Variants in INSYN2B observed in about 807,000 individuals in gnomAD.
INSYN2B encodes the protein protein INSYN2B.
INSYN2B carries 16 observed loss-of-function variants against 41.2 expected under a neutral mutation model. The ratio of observed to expected loss-of-function variants is 0.39; its 90% confidence interval spans 0.26 to 0.59. The LOEUF (loss-of-function observed/expected upper bound fraction) is 0.59. Among genes scored for constraint, INSYN2B ranks in the 20% least tolerant of loss-of-function variants. INSYN2B has a pLI of 0.57. For missense variants in INSYN2B, 608 were observed against 646.4 expected (o/e 0.94, Z 0.64); for synonymous variants, 245 against 244.4 (o/e 1.00, Z -0.02).
intron 1 of INSYN2B, among the ~76,000 whole-genome samples, chr5:169,887,794 C>G (rs1773056396): frequency 6.6e-6 from 1 of 152,178 alleles, no homozygotes; most frequent in South Asian, 2.1e-4. Context: ...TTCGTTGATA[C>G]TACCATGTTA....
In INSYN2B at chr5:169,883,846, A is replaced by T. The variant is rs1772816559; in HGVS notation, c.53T>A (p.Leu18Gln). 1 of 1,541,674 alleles carries T rather than the reference A, an allele frequency of 6.5e-7. No homozygotes were observed. Among genetic ancestry groups the T allele is most frequent in the Non-Finnish European group, 8.8e-7 (1 of 1,142,294 alleles). The change falls in exon 2 of 4, where the codon CTA (leucine) becomes CAA (glutamine). Residue 18 changes from leucine (L) to glutamine (Q), a missense_variant. Leu to Gln is a moderately radical substitution (Grantham distance 113). Transcript: ENST00000377365. ...TTGTTTCACAAACTCCACTGATTCT[A>T]GACTGTTACGCTTTAGAAGCACAGG... ...VRPVLLKRNSLESVEFVKQPH... is the reference protein window; with the variant it reads ...VRPVLLKRNSQESVEFVKQPH...
chr5:169,957,339 G>A (rs1458440243), intron 1 of INSYN2B, among the ~76,000 whole-genome samples: 1 of 152,212 alleles, frequency 6.6e-6, no homozygotes, highest in Non-Finnish European at 1.5e-5. Flanking sequence ...TTGTAGGATT[G>A]TCATCAGAAT....
At chr5:169,944,088 G>A (rs771758397) in intron 1 of INSYN2B, among the ~76,000 whole-genome samples, 2 of 152,176 alleles carry the variant, frequency 1.3e-5, no homozygotes, top group Non-Finnish European at 2.9e-5. Flanking sequence ...CACTTTACCT[G>A]GATTATGTCA....
At chr5:169,965,480 G>A (rs1777264666) in intron 1 of INSYN2B, among the ~76,000 whole-genome samples, 1 of 152,224 alleles carries the variant, frequency 6.6e-6, no homozygotes, top group South Asian at 2.1e-4. Flanking sequence ...CAGCTGGCTA[G>A]TGTTGGAGTC....
intron 1 of INSYN2B, among the ~76,000 whole-genome samples, chr5:169,890,067 G>C (rs143424108): frequency 1.3e-5 from 2 of 152,206 alleles, no homozygotes; most frequent in Non-Finnish European, 2.9e-5. Context: ...TAAAGAAGAC[G>C]AATTCAATCC....
rs766091004 is a variant in INSYN2B, at chr5:169,883,657, A to T, written c.242T>A (p.Leu81His). Residue 81 changes from leucine (L) to histidine (H), a missense_variant, in exon 2 of 4, where the codon CTC (leucine) becomes CAC (histidine). By Grantham distance (99) the Leu-to-His change is moderately conservative. Coordinates refer to ENST00000377365, the MANE Select transcript of INSYN2B (RefSeq NM_001129891.3). ...TGCCTTCTGGGACCTGGGGAAGGAG[A>T]GCGAGTAGGTGGGGGGAAGATGGTG... ...TRHHLPPTYS[L>H]SFPRSQKAGG... is the part of the protein sequence containing the mutation. 1.9e-6 allele frequency: 3 copies of T among 1,550,942 alleles called. No homozygotes were observed. Among genetic ancestry groups the T allele is most frequent in the Non-Finnish European group, 2.6e-6 (3 of 1,146,660 alleles).
chr5:169,967,454 A>G (rs556094300), intron 1 of INSYN2B, among the ~76,000 whole-genome samples: 2 of 152,298 alleles, frequency 1.3e-5, no homozygotes, highest in East Asian at 3.9e-4. Context: ...TTGGAGGGGA[A>G]TTAGTATAAG....
intron 1 of INSYN2B, among the ~76,000 whole-genome samples, chr5:169,937,335 G>C (rs1324356877): frequency 6.6e-6 from 1 of 152,150 alleles, no homozygotes; most frequent in African/African-American, 2.4e-5. Flanking sequence ...GCTGCACCTT[G>C]GATCTATGGT....
At chr5:169,867,909 A>G (rs1771693442) in intron 3 of INSYN2B, among the ~76,000 whole-genome samples, 1 of 152,186 alleles carries the variant, frequency 6.6e-6, no homozygotes, top group Non-Finnish European at 1.5e-5. Flanking sequence ...TAACATGGTG[A>G]GTTGCAAGCT....
At chr5:169,919,650 G>A (rs771719263) in intron 1 of INSYN2B, among the ~76,000 whole-genome samples, 8 of 152,130 alleles carry the variant, frequency 5.3e-5, no homozygotes, top group Non-Finnish European at 1.0e-4. Flanking sequence ...AGTTATCGTG[G>A]GGTCTTTTGC....
At chr5:169,928,649 AG>A (rs1308700804) in intron 1 of INSYN2B, among the ~76,000 whole-genome samples, 2 of 152,224 alleles carry the variant, frequency 1.3e-5, no homozygotes, top group Admixed American at 6.5e-5. Flanking sequence ...TAAAAGAGGC[AG>A]AGAGATCTAA....
At chr5:169,962,684 G>C (rs746349947) in intron 1 of INSYN2B, among the ~76,000 whole-genome samples, 3 of 152,110 alleles carry the variant, frequency 2.0e-5, no homozygotes, top group Non-Finnish European at 4.4e-5. Flanking sequence ...TGACATATTG[G>C]AAAATACGGC....
At chr5:169,880,618 A>G (rs1772586610) in intron 3 of INSYN2B, among the ~76,000 whole-genome samples, 1 of 152,210 alleles carries the variant, frequency 6.6e-6, no homozygotes, top group South Asian at 2.1e-4. Context: ...AAACCCTTGC[A>G]TTTGTTCAGA....
intron 1 of INSYN2B, among the ~76,000 whole-genome samples, chr5:169,958,897 C>G (rs2113740407): frequency 6.6e-6 from 1 of 152,244 alleles, no homozygotes; most frequent in Non-Finnish European, 1.5e-5. Context: ...CGCTTTGTGT[C>G]TCTCAAAGAC....
intron 1 of INSYN2B, among the ~76,000 whole-genome samples, chr5:169,926,904 A>G (rs1424969253): frequency 6.6e-6 from 1 of 152,270 alleles, no homozygotes; most frequent in Admixed American, 6.5e-5. Flanking sequence ...ATTGTAAATT[A>G]TGATACAAAA....
intron 1 of INSYN2B, among the ~76,000 whole-genome samples, chr5:169,959,236 C>CA (rs555651142): frequency 9.2e-5 from 14 of 151,518 alleles, no homozygotes; most frequent in East Asian, 1.9e-4. Flanking sequence ...ACTAAAAATA[C>CA]AAAAAAAATA....
intron 1 of INSYN2B, among the ~76,000 whole-genome samples, chr5:169,972,586 T>TA (rs1554122913): frequency 0.23 from 15,467 of 66,600 alleles, 892 homozygotes; most frequent in Middle Eastern, 0.28. Context: ...GATAGATAGA[T>TA]GATAGATAGA....
intron 1 of INSYN2B, among the ~76,000 whole-genome samples, chr5:169,936,698 G>C (rs1052291926): frequency 5.9e-5 from 9 of 151,514 alleles, no homozygotes; most frequent in African/African-American, 2.2e-4. Context: ...CCTCCTCCTG[G>C]GGGGCGCGCT....
chr5:169,891,193 C>A (rs1773258586), intron 1 of INSYN2B, among the ~76,000 whole-genome samples: 1 of 152,118 alleles, frequency 6.6e-6, no homozygotes, highest in South Asian at 2.1e-4. Context: ...TTTGTTAGGA[C>A]TCCTCTTTCC....
Sources: allele counts gnomAD v4.1 joint callset (sites outside exome capture counted in the v4.1 genomes callset), GRCh38; gene constraint gnomAD v4.1.1; transcripts MANE v1.5; gene names NCBI Gene and HGNC (gene_info 2026-07-23, HGNC 2026-07-21).